Variants in KCNMA1 observed in about 807,000 individuals in gnomAD.
KCNMA1 encodes the protein Calcium-activated potassium channel subunit alpha-1.
Under a neutral mutation model 140.0 loss-of-function variants are expected in KCNMA1, and 29 were observed. That is an observed-to-expected ratio of 0.21 (90% CI 0.15 to 0.28). KCNMA1 has a LOEUF of 0.28. KCNMA1 is among the 10% of genes least tolerant of loss of function. KCNMA1 has a pLI of 1.00. For synonymous variants in KCNMA1, 612 were observed against 611.9 expected, an observed-to-expected ratio of 1.00 and a Z score of 0.00; for missense variants, 880 against 1,602.2, an observed-to-expected ratio of 0.55 and a Z score of 7.70.
chr10:77,425,109 GTGGATGGATGGATGGATGGATGGA>G (rs200540048), intron 1 of KCNMA1, among the ~76,000 whole-genome samples: 4 of 150,220 alleles, frequency 2.7e-5, no homozygotes, highest in East Asian at 3.9e-4. Context: ...GGATGGATGA[GTGGATGGATGGATGGATGGATGGA>G]TGGATGGATG....
chr10:76,981,376 C>A (rs1178891289), intron 19 of KCNMA1, among the ~76,000 whole-genome samples: 1 of 152,152 alleles, frequency 6.6e-6, no homozygotes, highest in Non-Finnish European at 1.5e-5. Flanking sequence ...TTTAAACGGA[C>A]CTCAATTGGA....
At chr10:77,456,608 A>G (rs1379552033) in intron 1 of KCNMA1, among the ~76,000 whole-genome samples, 2 of 152,162 alleles carry the variant, frequency 1.3e-5, no homozygotes, top group African/African-American at 4.8e-5. Flanking sequence ...TGAAGGAGGG[A>G]GGCTGCATGG....
chr10:77,046,267 A>G (rs1422529234), intron 14 of KCNMA1, among the ~76,000 whole-genome samples: 1 of 152,204 alleles, frequency 6.6e-6, no homozygotes, highest in Non-Finnish European at 1.5e-5. Flanking sequence ...ATATATATCA[A>G]TTATGCAATA....
chr10:76,898,625 A>G (rs984877925), intron 25 of KCNMA1, among the ~76,000 whole-genome samples: 1 of 151,958 alleles, frequency 6.6e-6, no homozygotes, highest in Admixed American at 6.6e-5. Context: ...GCAAAAGTAA[A>G]TATTCCAGAA....
intron 1 of KCNMA1, among the ~76,000 whole-genome samples, chr10:77,561,637 A>T (rs2066428777): frequency 2.0e-5 from 3 of 152,104 alleles, no homozygotes; most frequent in Admixed American, 2.0e-4. Flanking sequence ...CACCAGAGGG[A>T]TGGAAAACAT....
At chr10:76,880,510 C>T (rs537908039), downstream of KCNMA1, among the ~76,000 whole-genome samples, 33 of 152,120 alleles carry the variant, frequency 2.2e-4, no homozygotes, top group Non-Finnish European at 3.5e-4. Context: ...GTTCAGGAAA[C>T]GGAACTGTAT....
Position 76,886,283 on chromosome 10 carries a change from A to T in KCNMA1, c.*983T>A. The T allele has an allele frequency of 1.0e-6, 1 of 985,344 alleles. No individual in the cohort carries two copies. The highest frequency in any genetic ancestry group is 1.2e-6 in the Non-Finnish European group (1 of 829,852). 61.0% of individuals were successfully genotyped at this position (985,344 alleles called of 1,614,324 possible). On this transcript the variant is annotated 3_prime_UTR_variant, in exon 28 of 28. Coordinates refer to ENST00000286628, the MANE Select transcript of KCNMA1 (RefSeq NM_001161352.2). ...ATCCCCTGAGAATGCATGGAAAAAT[A>T]CTTGCTCTTTCCTGAGCATTATTTA...
At chr10:77,607,272 C>T (rs761031845) in intron 1 of KCNMA1, among the ~76,000 whole-genome samples, 3 of 152,290 alleles carry the variant, frequency 2.0e-5, no homozygotes, top group East Asian at 1.9e-4. Context: ...TGCCAGCTGA[C>T]GGACTAGACC....
chr10:76,891,561 C>A lies in KCNMA1; in HGVS notation c.3306G>T (p.Gln1102His), dbSNP rs1253872471. The A allele has an allele frequency of 6.2e-7, 1 of 1,613,846 alleles. No homozygotes were observed. Among genetic ancestry groups the A allele is most frequent in the South Asian group, 1.1e-5 (1 of 91,080 alleles). The change falls in exon 26 of 28, where the codon CAG (glutamine) becomes CAT (histidine). Residue 1102 changes from glutamine (Q) to histidine (H), a missense_variant. By Grantham distance (24) the Gln-to-His change is conservative. Transcript: ENST00000286628. ...CAAATGGCCCATCGAGCAGAGCTAA[C>A]TGGGCCACGCGGCAGCGGTCCCTAT... The part of the protein sequence containing the change: ...LANRDRCRVA[Q>H]LALLDGPFAD...
chr10:77,448,643 C>T (rs771047154), intron 1 of KCNMA1, among the ~76,000 whole-genome samples: 3 of 152,186 alleles, frequency 2.0e-5, no homozygotes, highest in Non-Finnish European at 4.4e-5. Flanking sequence ...CCTTTTTCTT[C>T]TCCCTCCGTG....
At chr10:76,992,347 T>C (rs894191885) in intron 19 of KCNMA1, among the ~76,000 whole-genome samples, 20 of 152,202 alleles carry the variant, frequency 1.3e-4, no homozygotes, top group African/African-American at 4.6e-4. Context: ...TATCTAGCTA[T>C]TTACAGAAAG....
At chr10:77,537,927 G>A (rs1489743318) in intron 1 of KCNMA1, among the ~76,000 whole-genome samples, 3 of 151,988 alleles carry the variant, frequency 2.0e-5, no homozygotes, top group Admixed American at 1.3e-4. Context: ...GATGATGGAT[G>A]GGCAGGCTGC....
intron 1 of KCNMA1, among the ~76,000 whole-genome samples, chr10:77,415,634 C>T (rs2096724018): frequency 6.6e-6 from 1 of 152,232 alleles, no homozygotes; most frequent in Non-Finnish European, 1.5e-5. Flanking sequence ...ATCTTCGTGC[C>T]AAGTTAACTT....
intron 1 of KCNMA1, among the ~76,000 whole-genome samples, chr10:77,444,472 T>A (rs1397453693): frequency 6.6e-6 from 1 of 152,192 alleles, no homozygotes; most frequent in Non-Finnish European, 1.5e-5. Context: ...AAATAGCAAC[T>A]AATGACTTTG....
intron 2 of KCNMA1, among the ~76,000 whole-genome samples, chr10:77,356,141 T>G (rs1394191606): frequency 6.6e-6 from 1 of 152,212 alleles, no homozygotes; most frequent in Non-Finnish European, 1.5e-5. Context: ...AATGTCTTAT[T>G]CATCCCTAAA....
intron 25 of KCNMA1, among the ~76,000 whole-genome samples, chr10:76,898,130 A>AT (rs148256978): frequency 0.019 from 2,869 of 152,042 alleles, 93 homozygotes; most frequent in African/African-American, 0.065. Context: ...AATGAGCTAA[A>AT]TGATCCTATA....
intron 2 of KCNMA1, among the ~76,000 whole-genome samples, chr10:77,270,582 T>C (rs1368851091): frequency 1.3e-5 from 2 of 151,480 alleles, no homozygotes; most frequent in African/African-American, 4.9e-5. Flanking sequence ...AGTGCGGTAG[T>C]GCAATGTCAG....
At chr10:77,474,328 T>A (rs1567041670) in intron 1 of KCNMA1, among the ~76,000 whole-genome samples, 1 of 152,164 alleles carries the variant, frequency 6.6e-6, no homozygotes. Flanking sequence ...TATGGTTAAA[T>A]GAGGTCATTA....
At chr10:76,896,179 AC>A (rs1378441808) in intron 25 of KCNMA1, among the ~76,000 whole-genome samples, 1 of 152,226 alleles carries the variant, frequency 6.6e-6, no homozygotes, top group East Asian at 1.9e-4. Context: ...TAAGGCAGAC[AC>A]CCCCAGAGCA....
Sources: gnomAD v4.1 joint callset for allele counts (sites outside exome capture counted in the v4.1 genomes callset) on GRCh38, gnomAD v4.1.1 for gene constraint, MANE v1.5 for transcripts, NCBI Gene and HGNC (gene_info 2026-07-23, HGNC 2026-07-21) for gene names.